The following TMEM204 variants were observed in gnomAD, a reference collection of about 807,000 sequenced individuals.
TMEM204 encodes the protein claudin-like protein 24.
TMEM204 carries 15 observed loss-of-function variants against 19.4 expected under a neutral mutation model. The ratio of observed to expected loss-of-function variants is 0.77; its 90% confidence interval spans 0.52 to 1.19. The LOEUF (loss-of-function observed/expected upper bound fraction) is 1.19. Among genes scored for constraint, TMEM204 ranks in the 50% most tolerant of loss-of-function variants. The probability of loss-of-function intolerance (pLI) is 0.00; values close to 1 mark genes in which losing one functional copy is unlikely to be tolerated. For missense variants in TMEM204, 287 were observed against 321.2 expected, an observed-to-expected ratio of 0.89 and a Z score of 0.81; for synonymous variants, 161 against 146.0, an observed-to-expected ratio of 1.10 and a Z score of -0.74.
At position 1,542,087 on chromosome 16, in the gene TMEM204, G is replaced by A. The variant is rs1196045323; in HGVS notation, c.436+11G>A. On this transcript the variant is annotated intron_variant, in intron 2 of 2. Coordinates refer to ENST00000566264, the MANE Select transcript of TMEM204 (RefSeq NM_024600.6). ...CATTCCAACTGGCGAGTAAGTACCTGGGCGGGTGTGGCCACCGCGCCCTTG... is the reference window on the plus strand; with the variant it reads ...CATTCCAACTGGCGAGTAAGTACCTAGGCGGGTGTGGCCACCGCGCCCTTG... 3 of 1,589,706 alleles carry A rather than the reference G, an allele frequency of 1.9e-6. No homozygotes were observed. The highest frequency in any genetic ancestry group is 1.1e-5 in the South Asian group (1 of 88,236).
At position 1,553,260 on chromosome 16, in the gene TMEM204, C is replaced by T; in HGVS notation, c.437-1522C>T. On this transcript the variant is annotated intron_variant, in intron 2 of 2. Transcript: ENST00000566264. The surrounding 1 kb of genome is among the most constrained non-coding windows in gnomAD (Gnocchi z 4.4). ...TGTGTCTGTCTCTGTCTCTCTGTAT[C>T]TCTCTTGGTCTCTGTCTCTCTGTGT... 2 of 977,638 alleles carry T rather than the reference C, an allele frequency of 2.0e-6. No homozygotes were observed. The highest frequency in any genetic ancestry group is 2.4e-6 in the Non-Finnish European group (2 of 822,966). The allele number at this position is 977,638 out of a possible 1,614,324, so 60.6% of individuals were successfully genotyped here. A position where few individuals can be genotyped will look rare whatever the true frequency, so the allele number is the denominator to read the frequency against.
rs1331793186 is a variant in TMEM204, at chr16:1,553,092, T to C, written c.437-1690T>C. On this transcript the variant is annotated intron_variant, in intron 2 of 2. Transcript: ENST00000566264. The surrounding 1 kb of genome is among the most constrained non-coding windows in gnomAD (Gnocchi z 4.4). ...AAAATGGAGATAGATAAATGCTTAA[T>C]TCATACTTTCTGGAGGGTACAGTGA... 2.0e-6 allele frequency: 2 copies of C among 985,358 alleles called. No homozygotes were observed. The highest frequency in any genetic ancestry group is 6.1e-5 in the Admixed American group (1 of 16,264). 61.0% of individuals were successfully genotyped at this position (985,358 alleles called of 1,614,324 possible). A position where few individuals can be genotyped will look rare whatever the true frequency, so the allele number is the denominator to read the frequency against.
chr16:1,553,449 C>T lies in TMEM204; in HGVS notation c.437-1333C>T. ...GTGGAGAGACCGGCATGAACAGACG[C>T]ACAGGTGTCAACATGCAGGCCAGGC... is the stretch of plus-strand genomic sequence containing the variant. On this transcript the variant is annotated intron_variant, in intron 2 of 2. Transcript: ENST00000566264. This position sits in a 1 kb window ranked among gnomAD's most constrained non-coding sequence, Gnocchi z 4.4. The T allele has an allele frequency of 3.0e-6, 3 of 985,404 alleles. No homozygotes were observed. In the South Asian group the frequency reaches 1.4e-4, roughly 46 times the overall value. 61.0% of individuals were successfully genotyped at this position (985,404 alleles called of 1,614,324 possible). A position where few individuals can be genotyped will look rare whatever the true frequency, so the allele number is the denominator to read the frequency against.
At chr16:1,548,941 GC>G (rs2141362475) in intron 2 of TMEM204, among the ~76,000 whole-genome samples, 1 of 152,366 alleles carries the variant, frequency 6.6e-6, no homozygotes, top group East Asian at 1.9e-4. Flanking sequence ...CTCATGCCAG[GC>G]ATCTGTTCAC....
intron 1 of TMEM204, chr16:1,541,474 G>A: frequency 1.0e-6 from 1 of 985,384 alleles, no homozygotes; most frequent in Non-Finnish European, 1.2e-6. Flanking sequence ...TGAGGAGCTG[G>A]CCCCCCGCGG....
upstream of TMEM204, among the ~76,000 whole-genome samples, chr16:1,529,665 T>A (rs1334035986): frequency 1.3e-5 from 2 of 152,246 alleles, no homozygotes; most frequent in Non-Finnish European, 2.9e-5. Context: ...ATCTTTACAA[T>A]GAAACTTCTT....
At position 1,542,089 on chromosome 16, in the gene TMEM204, G is replaced by T. The variant is rs1378872204; in HGVS notation, c.436+13G>T. The stretch of plus-strand genomic sequence containing the variant: ...TTCCAACTGGCGAGTAAGTACCTGG[G>T]CGGGTGTGGCCACCGCGCCCTTGCC... On this transcript the variant is annotated intron_variant, in intron 2 of 2. Transcript: ENST00000566264. The T allele has an allele frequency of 6.3e-7, 1 of 1,589,370 alleles. No homozygotes were observed. Among genetic ancestry groups the T allele is most frequent in the Non-Finnish European group, 8.6e-7 (1 of 1,169,238 alleles).
At chr16:1,530,710 A>C (rs1243129037), upstream of TMEM204, 2 of 151,216 alleles carry the variant, frequency 1.3e-5, no homozygotes, top group Non-Finnish European at 2.9e-5. Flanking sequence ...GGGGAGCGGG[A>C]GAGAGCCCGC....
chr16:1,536,659 G>A (rs978465473), intron 1 of TMEM204, among the ~76,000 whole-genome samples: 2 of 152,158 alleles, frequency 1.3e-5, no homozygotes, highest in African/African-American at 4.8e-5. Flanking sequence ...CACCCAGGCT[G>A]GAGTGCAGCC....
intron 1 of TMEM204, among the ~76,000 whole-genome samples, chr16:1,537,256 T>C (rs2031169754): frequency 6.6e-6 from 1 of 152,102 alleles, no homozygotes; most frequent in African/African-American, 2.4e-5. Flanking sequence ...ACCGCGTGCC[T>C]CCTCACGCAC....
Position 1,552,856 on chromosome 16 carries a change from T to C in TMEM204, c.437-1926T>C, listed in dbSNP as rs1402621294. On this transcript the variant is annotated intron_variant, in intron 2 of 2. Coordinates refer to ENST00000566264, the MANE Select transcript of TMEM204 (RefSeq NM_024600.6). ...TTTTAGTAGAGATAGGGTTTCACCA[T>C]CTTGGCCAGGCTGGTCTTGAACTCG... 8.4e-6 allele frequency: 4 copies of C among 478,552 alleles called. No homozygotes were observed. In the African/African-American group the frequency reaches 8.6e-5, roughly 10 times the overall value. The allele number at this position is 478,552 out of a possible 1,614,324, so 29.6% of individuals were successfully genotyped here. A position where few individuals can be genotyped will look rare whatever the true frequency, so the allele number is the denominator to read the frequency against.
upstream of TMEM204, chr16:1,531,717 G>C (rs2030514102): frequency 6.6e-6 from 1 of 152,334 alleles, no homozygotes; most frequent in Non-Finnish European, 1.5e-5. The surrounding 1 kb of genome is among the most constrained non-coding windows in gnomAD (Gnocchi z 4.7). Context: ...GAAGCGGCGT[G>C]ACAGCTGAGG....
chr16:1,528,848 T>A (rs2030120407), upstream of TMEM204: 1 of 152,244 alleles, frequency 6.6e-6, no homozygotes, highest in Non-Finnish European at 1.5e-5. Flanking sequence ...CTAACGGCCC[T>A]GCCCCTGTGA....
At position 1,535,040 on chromosome 16, in the gene TMEM204, C is replaced by T. The variant is rs2030926847; in HGVS notation, c.280+485C>T. 1.3e-5 allele frequency among the ~76,000 whole-genome samples: 2 copies of T among 151,696 alleles called. 1 individual carries two copies. Among genetic ancestry groups the T allele is most frequent in the South Asian group, 4.1e-4 (2 of 4,822 alleles). On this transcript the variant is annotated intron_variant, in intron 1 of 2. Coordinates refer to ENST00000566264, the MANE Select transcript of TMEM204 (RefSeq NM_024600.6). Reference sequence around the variant, plus strand: ...GCCTACATAGCGAGAGACCCTGTCTCTGAACATAAAAAAAAAATGAAAATG... The same window carrying T: ...GCCTACATAGCGAGAGACCCTGTCTTTGAACATAAAAAAAAAATGAAAATG...
At chr16:1,544,839 G>A (rs1244809498) in intron 2 of TMEM204, among the ~76,000 whole-genome samples, 7 of 151,492 alleles carry the variant, frequency 4.6e-5, no homozygotes, top group African/African-American at 1.2e-4. Context: ...TAGTAGAGAC[G>A]GGGTTTCACC....
intron 2 of TMEM204, 50 bp downstream of exon 2, chr16:1,542,126 T>C (rs1261678623): frequency 6.6e-7 from 1 of 1,511,908 alleles, no homozygotes. Flanking sequence ...CCTGTGGCCT[T>C]CTGGTGCCAC....
At chr16:1,535,149 G>A (rs1382551783) in intron 1 of TMEM204, among the ~76,000 whole-genome samples, 2 of 152,142 alleles carry the variant, frequency 1.3e-5, no homozygotes, top group Non-Finnish European at 2.9e-5. Context: ...GGTTGTTGGG[G>A]TCTTTGAGGC....
intron 2 of TMEM204, 142 bp downstream of exon 2, chr16:1,542,218 C>A: frequency 1.1e-6 from 1 of 899,696 alleles, no homozygotes; most frequent in Non-Finnish European, 1.6e-6. Flanking sequence ...ACTGAGAAGC[C>A]CCATGGGGCA....
rs1212576133 is a variant in TMEM204, at chr16:1,553,268, GTCTCTGTCTC to G, written c.437-1510_437-1501del. On this transcript the variant is annotated intron_variant, in intron 2 of 2. Coordinates refer to ENST00000566264, the MANE Select transcript of TMEM204 (RefSeq NM_024600.6). The surrounding 1 kb of genome is among the most constrained non-coding windows in gnomAD (Gnocchi z 4.4). ...TCTCTGTCTCTCTGTATCTCTCTTG[GTCTCTGTCTC>G]TCTGTGTCTCTGCCTGTCTCTCTGT... The G allele has an allele frequency of 7.2e-6, 7 of 977,560 alleles. No homozygotes were observed. The highest frequency in any genetic ancestry group is 1.2e-6 in the Non-Finnish European group (1 of 823,380). 60.6% of individuals were successfully genotyped at this position (977,560 alleles called of 1,614,324 possible). A position where few individuals can be genotyped will look rare whatever the true frequency, so the allele number is the denominator to read the frequency against.
Sources: gnomAD v4.1 joint callset for allele counts (sites outside exome capture counted in the v4.1 genomes callset) on GRCh38, gnomAD v4.1.1 for gene constraint, Gnocchi (gnomAD v3.1) non-coding constraint, MANE v1.5 for transcripts, NCBI Gene and HGNC (gene_info 2026-07-23, HGNC 2026-07-21) for gene names.